DNAJB1: variants seen among roughly 807,000 people sequenced by gnomAD.
The protein encoded by DNAJB1 is dnaJ homolog subfamily B member 1.
Under a neutral mutation model 24.0 loss-of-function variants are expected in DNAJB1, and 14 were observed. The observed-to-expected ratio is 0.58, with a 90% CI of 0.39 to 0.91. The LOEUF (loss-of-function observed/expected upper bound fraction) is 0.91, where lower values mean the gene tolerates loss of function less well. Among genes scored for constraint, DNAJB1 ranks in the 40% least tolerant of loss-of-function variants. The pLI is 0.00. For missense variants in DNAJB1, 517 were observed against 458.1 expected, an observed-to-expected ratio of 1.13 and a Z score of -1.17; for synonymous variants, 262 against 174.4, an observed-to-expected ratio of 1.50 and a Z score of -3.96.
upstream of DNAJB1, among the ~76,000 whole-genome samples, chr19:14,552,973 C>G (rs951150115): frequency 6.6e-6 from 1 of 152,058 alleles, no homozygotes; most frequent in Admixed American, 6.5e-5. Context: ...GGCCAGTGCT[C>G]CTCGGAGGCC....
rs1204037529 is a variant in DNAJB1, at chr19:14,516,126, C to T, written c.837G>A (p.Arg279=). ...CATCTTTGAATACGACGGGTATCGTCCTGCCGTCCAGAGTGGGGACGTTCA... is the reference window on the plus strand; with the variant it reads ...CATCTTTGAATACGACGGGTATCGTTCTGCCGTCCAGAGTGGGGACGTTCA... ...CTVNVPTLDG[R]TIPVVFKDVI... is the part of the protein sequence containing the mutation. Residue 279 remains arginine (R), a synonymous_variant, in exon 3 of 3, where the codon AGG becomes AGA. Transcript: ENST00000254322. 5.0e-6 allele frequency: 8 copies of T among 1,613,500 alleles called. No individual in the cohort carries two copies. The highest frequency in any genetic ancestry group is 1.3e-5 in the African/African-American group (1 of 74,828).
At chr19:14,541,949 G>A (rs1391561272) in intron 1 of DNAJB1, among the ~76,000 whole-genome samples, 6 of 152,026 alleles carry the variant, frequency 3.9e-5, no homozygotes, top group East Asian at 1.9e-4. Flanking sequence ...CACGCCTGGC[G>A]TATTTTTTGT....
chr19:14,535,756 CAAAAAA>C (rs1161257175), intron 1 of DNAJB1, among the ~76,000 whole-genome samples: 1 of 51,944 alleles, frequency 1.9e-5, no homozygotes, highest in South Asian at 1.1e-3. Context: ...GACTCTGTCT[CAAAAAA>C]AAAAAAAAAA....
chr19:14,536,635 TG>T (rs1165551341), intron 1 of DNAJB1: 1 of 152,148 alleles, frequency 6.6e-6, no homozygotes, highest in East Asian at 1.9e-4. Flanking sequence ...CATTGGCTGA[TG>T]GTGTGCATCT....
chr19:14,518,146 C>T lies in DNAJB1; in HGVS notation c.204G>A (p.Gly68=), dbSNP rs139137956. ...CTGGCCGCGAGCACACACCTTCCTC[C>T]CCGTAGCGGTCGAAGATCTCGCGCT... ...PRKREIFDRY[G]EEGLKGSGPS... is the part of the protein sequence containing the mutation. Residue 68 remains glycine, a synonymous_variant, in exon 1 of 3, where the codon GGG becomes GGA. Coordinates refer to ENST00000254322, the MANE Select transcript of DNAJB1 (RefSeq NM_006145.3). 263 of 1,568,490 alleles carry T rather than the reference C, an allele frequency of 1.7e-4. 1 individual carries two copies. In the African/African-American group the frequency reaches 3.2e-3, roughly 19 times the overall value.
At chr19:14,526,111 T>C (rs1188040581) in intron 2 of DNAJB1, among the ~76,000 whole-genome samples, 2 of 152,150 alleles carry the variant, frequency 1.3e-5, no homozygotes, top group Non-Finnish European at 2.9e-5. Flanking sequence ...TGGTCTCGGG[T>C]TCCCCCCAAA....
At chr19:14,530,842 C>T (rs1036023391), upstream of DNAJB1, 3 of 152,170 alleles carry the variant, frequency 2.0e-5, no homozygotes, top group Non-Finnish European at 4.4e-5. Flanking sequence ...GCATTAAGAA[C>T]ATTCACATTG....
rs766711867 is a variant in DNAJB1 at position 14,516,934 on chromosome 19, G to A, written c.324C>T (p.Gly108=). ...CAAAAAAGGTGTCAAAGGGATTTCT[G>A]CCACCGAAGAACTCAGCAAACATGG... The part of the protein sequence containing the change: ...PHAMFAEFFG[G]RNPFDTFFGQ... The change falls in exon 2 of 3, where the codon GGC becomes GGT. Residue 108 remains glycine, a synonymous_variant. Coordinates refer to ENST00000254322, the MANE Select transcript of DNAJB1 (RefSeq NM_006145.3). 1 of 1,613,920 alleles carries A rather than the reference G, an allele frequency of 6.2e-7. No homozygotes were observed. Among genetic ancestry groups the A allele is most frequent in the African/African-American group, 1.3e-5 (1 of 75,040 alleles).
At chr19:14,539,023 G>T (rs1322357822) in intron 1 of DNAJB1, among the ~76,000 whole-genome samples, 6 of 150,440 alleles carry the variant, frequency 4.0e-5, no homozygotes, top group African/African-American at 1.5e-4. Context: ...ACCCAGGCTG[G>T]AGTTCAGTGG....
Position 14,525,067 on chromosome 19 carries a change from G to A in DNAJB1, c.-90+2659C>T, listed in dbSNP as rs151286410. On this transcript the variant is annotated intron_variant, in intron 2 of 3. Coordinates refer to the DNAJB1 transcript ENST00000396969. ...TGACCAACATGGTGAAATTCCGTCT[G>A]TACTAAAAACACAAAAATTAGCTGG... Among the ~76,000 whole-genome samples, 4 of 151,734 alleles carry A rather than the reference G, an allele frequency of 2.6e-5. No homozygotes were observed. The East Asian group carries it at 7.8e-4, about 30-fold the overall frequency.
At chr19:14,556,533 C>T (rs551365753) in intron 1 of DNAJB1, among the ~76,000 whole-genome samples, 12 of 152,274 alleles carry the variant, frequency 7.9e-5, no homozygotes, top group South Asian at 2.1e-4. Context: ...TTGCCCAGCA[C>T]GCACAGGCTA....
chr19:14,557,139 T>G (rs1298839470), intron 1 of DNAJB1, among the ~76,000 whole-genome samples: 3 of 150,058 alleles, frequency 2.0e-5, no homozygotes, highest in African/African-American at 4.9e-5. Flanking sequence ...ATTTATTTAT[T>G]TATTTATTTA....
At chr19:14,518,487 C>CG, upstream of DNAJB1, 1 of 636,888 alleles carries the variant, frequency 1.6e-6, no homozygotes, top group Non-Finnish European at 2.2e-6. Flanking sequence ...CCCCGCCCGC[C>CG]CCCGCGGCGC....
upstream of DNAJB1, among the ~76,000 whole-genome samples, chr19:14,519,268 T>C (rs2072335088): frequency 1.3e-5 from 2 of 152,106 alleles, no homozygotes; most frequent in Admixed American, 6.5e-5. Context: ...ACTCAGGAGA[T>C]TGAGGCCTGA....
At chr19:14,556,429 A>AACAAAAAC (rs1343586457) in intron 1 of DNAJB1, among the ~76,000 whole-genome samples, 1 of 151,168 alleles carries the variant, frequency 6.6e-6, no homozygotes, top group Non-Finnish European at 1.5e-5. Flanking sequence ...CAAAAACAAA[A>AACAAAAAC]AAAACCACAT....
At chr19:14,552,623 C>T (rs987659042), upstream of DNAJB1, among the ~76,000 whole-genome samples, 2 of 151,940 alleles carry the variant, frequency 1.3e-5, no homozygotes, top group Admixed American at 6.6e-5. Flanking sequence ...CAAGCTCCGC[C>T]TCCCGGGTTC....
intron 1 of DNAJB1, among the ~76,000 whole-genome samples, chr19:14,535,303 C>T (rs888214908): frequency 6.0e-5 from 9 of 151,008 alleles, no homozygotes; most frequent in Middle Eastern, 3.2e-3. Flanking sequence ...GCCAGGAGAT[C>T]GAGACCATCC....
upstream of DNAJB1, among the ~76,000 whole-genome samples, chr19:14,550,727 C>T (rs1349138006): frequency 1.3e-5 from 2 of 152,112 alleles, no homozygotes; most frequent in East Asian, 1.9e-4. Context: ...GTTGCACATG[C>T]AGCAGTATAG....
chr19:14,528,103 T>G (rs1286564597), intron 1 of DNAJB1, among the ~76,000 whole-genome samples: 1 of 151,586 alleles, frequency 6.6e-6, no homozygotes, highest in East Asian at 1.9e-4. Context: ...AGGCTGGTCT[T>G]GAATTCCTGA....
Sources: allele counts gnomAD v4.1 joint callset (sites outside exome capture counted in the v4.1 genomes callset), GRCh38; gene constraint gnomAD v4.1.1; transcripts MANE v1.5; gene names NCBI Gene and HGNC (gene_info 2026-07-23, HGNC 2026-07-21).